The following CD38 variants were observed in gnomAD, a reference collection of about 807,000 sequenced individuals.
CD38 encodes the protein ADP-ribosyl cyclase/cyclic ADP-ribose hydrolase 1.
A neutral mutation model predicts 36.3 loss-of-function variants in CD38; 31 were observed. The observed-to-expected ratio is 0.85, with a 90% CI of 0.64 to 1.15. CD38 has a LOEUF of 1.15. Among genes scored for constraint, CD38 ranks in the 50% most tolerant of loss-of-function variants. The pLI is 0.00. For missense variants in CD38, 380 were observed against 371.9 expected (o/e 1.02, Z -0.18); for synonymous variants, 131 against 135.2 (o/e 0.97, Z 0.22).
intron 1 of CD38, among the ~76,000 whole-genome samples, chr4:15,792,468 G>GAATGAACCAAGAAAAAAAAAA (rs1723025638): frequency 1.4e-5 from 2 of 142,498 alleles, no homozygotes; most frequent in African/African-American, 5.3e-5. Flanking sequence ...GAAAAAAAAA[G>GAATGAACCAAGAAAAAAAAAA]AAAAGAAAAG....
In CD38 at chr4:15,853,189, CAG is replaced by C. The variant is rs1480293529; in HGVS notation, c.*4589_*4590del. ...TCTCTAGTTTGAAATTTATTTGTAA[CAG>C]ACAAAAATGAATTAAACAAACAATA... On this transcript the variant is annotated 3_prime_UTR_variant, in exon 8 of 8. Transcript: ENST00000226279. 2 of 152,118 alleles carry C rather than the reference CAG, an allele frequency of 1.3e-5. No individual in the cohort carries two copies. Among genetic ancestry groups the C allele is most frequent in the African/African-American group, 4.8e-5 (2 of 41,412 alleles). The allele number at this position is 152,118 out of a possible 1,614,324, so 9.4% of individuals were successfully genotyped here.
At chr4:15,832,326 T>C (rs889549858) in intron 3 of CD38, among the ~76,000 whole-genome samples, 1 of 152,208 alleles carries the variant, frequency 6.6e-6, no homozygotes, top group Non-Finnish European at 1.5e-5. Flanking sequence ...TTGATACTTG[T>C]AGATATTTTT....
chr4:15,790,237 A>C (rs1335130875), intron 1 of CD38, among the ~76,000 whole-genome samples: 1 of 149,410 alleles, frequency 6.7e-6, no homozygotes, highest in Admixed American at 6.7e-5. Flanking sequence ...TGCCGAGCCA[A>C]AGCTGGACGG....
chr4:15,811,987 T>A (rs1723483997), intron 1 of CD38, among the ~76,000 whole-genome samples: 1 of 152,216 alleles, frequency 6.6e-6, no homozygotes, highest in African/African-American at 2.4e-5. Flanking sequence ...ACCATTTTCT[T>A]CTGTGGTGGG....
rs150307731 is a variant in CD38 at position 15,808,585 on chromosome 4, A to G, written c.234-7926A>G. ...GAAGGTCACAAAACCACTCTATACT[A>G]GTCCAGGGATAGCTATTCTTACAAC... On this transcript the variant is annotated intron_variant, in intron 1 of 7. Transcript: ENST00000226279. 4.5e-3 allele frequency among the ~76,000 whole-genome samples: 683 copies of G among 152,364 alleles called. 7 individuals carry two copies. The highest frequency in any genetic ancestry group is 0.016 in the African/African-American group (653 of 41,588).
chr4:15,781,498 T>C (rs923580726), intron 1 of CD38, among the ~76,000 whole-genome samples: 1 of 152,252 alleles, frequency 6.6e-6, no homozygotes, highest in African/African-American at 2.4e-5. Flanking sequence ...CCAAATCTGC[T>C]GGACAGGCCA....
At chr4:15,781,428 T>C (rs1479032299) in intron 1 of CD38, among the ~76,000 whole-genome samples, 2 of 152,180 alleles carry the variant, frequency 1.3e-5, no homozygotes, top group Non-Finnish European at 2.9e-5. Flanking sequence ...TATAAATACA[T>C]TAATAGAGAG....
At chr4:15,789,268 C>T (rs1415878394) in intron 1 of CD38, among the ~76,000 whole-genome samples, 1 of 152,142 alleles carries the variant, frequency 6.6e-6, no homozygotes, top group Non-Finnish European at 1.5e-5. Flanking sequence ...TTCTTGCTCA[C>T]ATGGAACTTA....
At chr4:15,784,361 T>A (rs528459797) in intron 1 of CD38, among the ~76,000 whole-genome samples, 1 of 152,304 alleles carries the variant, frequency 6.6e-6, no homozygotes, top group African/African-American at 2.4e-5. Context: ...AAGAGGGTGC[T>A]CTGGAGAGTG....
intron 1 of CD38, among the ~76,000 whole-genome samples, chr4:15,800,296 T>G (rs972840675): frequency 6.6e-6 from 1 of 152,196 alleles, no homozygotes; most frequent in Non-Finnish European, 1.5e-5. Context: ...ACATACTGTT[T>G]TATTTCTCTT....
At chr4:15,779,941 A>G (rs562893255) in intron 1 of CD38, among the ~76,000 whole-genome samples, 87 of 152,322 alleles carry the variant, frequency 5.7e-4, no homozygotes, top group Non-Finnish European at 9.4e-4. Flanking sequence ...GCTTGTTTCC[A>G]ATTTTTCAAT....
At chr4:15,791,044 T>TG (rs1246995244) in intron 1 of CD38, among the ~76,000 whole-genome samples, 1,184 of 104,260 alleles carry the variant, frequency 0.011, 10 homozygotes, top group Non-Finnish European at 0.015. Context: ...GGGAGGGAGG[T>TG]GGGGGGGGGT....
At chr4:15,802,234 A>T (rs774889689) in intron 1 of CD38, among the ~76,000 whole-genome samples, 3 of 152,156 alleles carry the variant, frequency 2.0e-5, no homozygotes, top group Non-Finnish European at 4.4e-5. Flanking sequence ...TTAACCAAAG[A>T]GGTGAAAGAT....
intron 1 of CD38, among the ~76,000 whole-genome samples, chr4:15,789,172 A>G (rs1248207983): frequency 2.0e-5 from 3 of 152,202 alleles, no homozygotes; most frequent in African/African-American, 7.2e-5. Flanking sequence ...TAAGATATCT[A>G]TTCAATAAAT....
chr4:15,834,002 T>C (rs1724011845), intron 3 of CD38, among the ~76,000 whole-genome samples: 1 of 152,234 alleles, frequency 6.6e-6, no homozygotes, highest in African/African-American at 2.4e-5. Context: ...CTTGCCACTG[T>C]GTTCCCATCT....
At chr4:15,818,987 T>C (rs7690685) in intron 2 of CD38, among the ~76,000 whole-genome samples, 8,931 of 152,272 alleles carry the variant, frequency 0.059, 365 homozygotes, top group East Asian at 0.18. Flanking sequence ...AACAAGGGCA[T>C]AGAACTGGGC....
intron 1 of CD38, among the ~76,000 whole-genome samples, chr4:15,805,900 C>T (rs1346032159): frequency 6.6e-6 from 1 of 152,164 alleles, no homozygotes; most frequent in African/African-American, 2.4e-5. Flanking sequence ...ACAGCCTGCC[C>T]TATGGGAACT....
At position 15,778,572 on chromosome 4, in the gene CD38, C is replaced by G; in HGVS notation, c.158C>G (p.Pro53Arg). The change falls in exon 1 of 8, where the codon CCG (proline) becomes CGG (arginine). Residue 53 changes from proline to arginine, a missense_variant. Transcript: ENST00000226279. The surrounding 1 kb of genome is among the most constrained non-coding windows in gnomAD (Gnocchi z 4.9). ...VPRWRQQWSG[P>R]GTTKRFPETV... is the part of the protein sequence containing the mutation. ...AGGTGGCGCCAGCAGTGGAGCGGTC[C>G]GGGCACCACCAAGCGCTTTCCCGAG... 3 of 1,613,564 alleles carry G rather than the reference C, an allele frequency of 1.9e-6. No individual in the cohort carries two copies. Among genetic ancestry groups the G allele is most frequent in the Non-Finnish European group, 2.5e-6 (3 of 1,179,994 alleles).
chr4:15,795,593 G>C (rs55809787), intron 1 of CD38, among the ~76,000 whole-genome samples: 2 of 152,006 alleles, frequency 1.3e-5, no homozygotes, highest in Non-Finnish European at 1.5e-5. Context: ...AAATAGCGGA[G>C]AAACCCACGA....
Sources: allele counts gnomAD v4.1 joint callset (sites outside exome capture counted in the v4.1 genomes callset), GRCh38; gene constraint gnomAD v4.1.1; non-coding constraint Gnocchi (gnomAD v3.1); transcripts MANE v1.5; gene names NCBI Gene and HGNC (gene_info 2026-07-23, HGNC 2026-07-21).